The following PDE1A variants were observed in gnomAD, a reference collection of about 807,000 sequenced individuals.
PDE1A encodes the protein phosphodiesterase 1A, also known as dual specificity calcium/calmodulin-dependent 3',5'-cyclic nucleotide phosphodiesterase 1A.
PDE1A carries 35 observed loss-of-function variants against 61.7 expected under a neutral mutation model. The observed-to-expected ratio is 0.57, with a 90% CI of 0.43 to 0.75. The LOEUF (loss-of-function observed/expected upper bound fraction) is 0.75, where lower values mean the gene tolerates loss of function less well. Ranked by LOEUF, PDE1A falls within the 30% of genes least tolerant of loss-of-function variation. PDE1A has a pLI of 0.00. For synonymous variants in PDE1A, 232 were observed against 213.2 expected (o/e 1.09, Z -0.77); for missense variants, 597 against 630.6 (o/e 0.95, Z 0.57).
chr2:182,457,937 C>T lies in PDE1A; in HGVS notation c.101+64339G>A, dbSNP rs148752027. Among the ~76,000 whole-genome samples the T allele has an allele frequency of 8.2e-3, 1,254 of 152,094 alleles. 10 individuals carry two copies. The highest frequency in any genetic ancestry group is 0.014 in the Middle Eastern group (4 of 294). On this transcript the variant is annotated intron_variant, in intron 2 of 14. Coordinates refer to the PDE1A transcript ENST00000410103. ...ATTTAAGATGTAGCTTTATTTATGA[C>T]TTGTGTTGGGCAAAGTAAAATTTAT...
intron 4 of PDE1A, among the ~76,000 whole-genome samples, chr2:182,233,947 A>G (rs1689793555): frequency 6.6e-6 from 1 of 152,096 alleles, no homozygotes; most frequent in African/African-American, 2.4e-5. Flanking sequence ...CAAGAGAGAG[A>G]AGTGTTTTTT....
chr2:182,308,199 G>A (rs1438681672), intron 1 of PDE1A, among the ~76,000 whole-genome samples: 1 of 152,012 alleles, frequency 6.6e-6, no homozygotes, highest in East Asian at 1.9e-4. Context: ...GAGTGCTCAG[G>A]GAGAAATACC....
intron 2 of PDE1A, among the ~76,000 whole-genome samples, chr2:182,456,500 G>A (rs556478066): frequency 1.3e-5 from 2 of 151,990 alleles, no homozygotes; most frequent in South Asian, 4.1e-4. Context: ...CTAAATAAAA[G>A]TAGTACAATA....
At chr2:182,540,287 C>A in the PDE1A span, among the ~76,000 whole-genome samples, 49,201 of 150,274 alleles carry the variant, frequency 0.33, 10,102 homozygotes, top group East Asian at 0.56. Context: ...TTGCTTGAGC[C>A]CAGGAGGCAG....
At chr2:182,546,807 G>A in the PDE1A span, among the ~76,000 whole-genome samples, 1 of 152,220 alleles carries the variant, frequency 6.6e-6, no homozygotes, top group African/African-American at 2.4e-5. Context: ...ATGACAGGGT[G>A]TTGTAGAATT....
chr2:182,610,547 T>C, the PDE1A span, among the ~76,000 whole-genome samples: 2 of 151,914 alleles, frequency 1.3e-5, no homozygotes, highest in African/African-American at 4.8e-5. Context: ...AAAAAAAGAA[T>C]GGCAATATTT....
chr2:182,569,099 T>G, the PDE1A span, among the ~76,000 whole-genome samples: 1 of 151,662 alleles, frequency 6.6e-6, no homozygotes, highest in Non-Finnish European at 1.5e-5. Flanking sequence ...AAAAAAATTT[T>G]GAAGTTAACT....
chr2:182,370,416 GGTGAGAGAAT>G (rs769500033), intron 1 of PDE1A, among the ~76,000 whole-genome samples: 29 of 152,260 alleles, frequency 1.9e-4, no homozygotes, highest in Admixed American at 3.3e-4. Context: ...TCAGACAGTT[GGTGAGAGAAT>G]GTGAGAGACT....
intron 2 of PDE1A, among the ~76,000 whole-genome samples, chr2:182,255,917 C>A (rs547421192): frequency 1.1e-4 from 16 of 151,932 alleles, no homozygotes; most frequent in Non-Finnish European, 2.1e-4. Context: ...AATGATCCAC[C>A]CGCCTCGGCC....
chr2:182,437,351 G>A (rs577240358), intron 2 of PDE1A, among the ~76,000 whole-genome samples: 32 of 151,940 alleles, frequency 2.1e-4, no homozygotes, highest in African/African-American at 6.0e-4. Context: ...CACCCAAACC[G>A]TAAAAATAAT....
chr2:182,344,419 C>T (rs1698386456), intron 1 of PDE1A, among the ~76,000 whole-genome samples: 1 of 152,118 alleles, frequency 6.6e-6, no homozygotes, highest in African/African-American at 2.4e-5. Context: ...ATCTTCCTAG[C>T]TATTGTACTT....
At chr2:182,557,469 T>C in the PDE1A span, among the ~76,000 whole-genome samples, 1 of 152,086 alleles carries the variant, frequency 6.6e-6, no homozygotes, top group African/African-American at 2.4e-5. Context: ...CTTAGCACTT[T>C]GGGAGGCCAA....
intron 1 of PDE1A, among the ~76,000 whole-genome samples, chr2:182,412,510 A>G (rs137875026): frequency 6.6e-6 from 1 of 152,326 alleles, no homozygotes; most frequent in East Asian, 1.9e-4. Flanking sequence ...TTATAATTAG[A>G]TATAATGTAG....
At chr2:182,713,567 A>T in the PDE1A span, among the ~76,000 whole-genome samples, 1 of 152,152 alleles carries the variant, frequency 6.6e-6, no homozygotes. Context: ...GGAAGCAGAG[A>T]TTGCAATGAG....
At chr2:182,179,555 G>C (rs1386851431) in intron 13 of PDE1A, among the ~76,000 whole-genome samples, 3 of 152,098 alleles carry the variant, frequency 2.0e-5, no homozygotes, top group Non-Finnish European at 4.4e-5. Context: ...TAAATGATTA[G>C]AGAAGGCATA....
exon 13 of PDE1A, chr2:182,185,983 G>A (rs1685168862): frequency 6.2e-7 from 1 of 1,614,024 alleles, no homozygotes; most frequent in East Asian, 2.2e-5. Flanking sequence ...CTGCTGCAAG[G>A]GAGTAGTCTG....
chr2:182,689,265 C>A, the PDE1A span, among the ~76,000 whole-genome samples: 1 of 152,040 alleles, frequency 6.6e-6, no homozygotes, highest in African/African-American at 2.4e-5. Flanking sequence ...CAAAATTGAC[C>A]ACATAGTTGG....
chr2:182,260,808 T>C (rs1297008111), intron 2 of PDE1A, among the ~76,000 whole-genome samples: 1 of 152,172 alleles, frequency 6.6e-6, no homozygotes, highest in Non-Finnish European at 1.5e-5. Flanking sequence ...CAAACTTCAG[T>C]GTCTCTGAAG....
chr2:182,151,381 A>G (rs1048204547), intron 13 of PDE1A, among the ~76,000 whole-genome samples: 11 of 152,194 alleles, frequency 7.2e-5, no homozygotes, highest in African/African-American at 2.7e-4. Flanking sequence ...CTGGGATTAC[A>G]GGTGTGAGCC....
Sources: gnomAD v4.1 joint callset for allele counts (sites outside exome capture counted in the v4.1 genomes callset) on GRCh38, gnomAD v4.1.1 for gene constraint, MANE v1.5 for transcripts, NCBI Gene and HGNC (gene_info 2026-07-23, HGNC 2026-07-21) for gene names.